The following PAPPA2 variants were observed in gnomAD, a reference collection of about 807,000 sequenced individuals.
PAPPA2 encodes the protein pappalysin 2, also known as pappalysin-2.
In PAPPA2, 86 loss-of-function variants were observed where a neutral mutation model predicts 176.4. The ratio of observed to expected loss-of-function variants is 0.49; its 90% confidence interval spans 0.41 to 0.58. The LOEUF is 0.58. PAPPA2 is among the 20% of genes least tolerant of loss of function. The pLI, the probability that PAPPA2 is intolerant of heterozygous loss-of-function variation, is 0.00. For synonymous variants in PAPPA2, 809 were observed against 852.2 expected (o/e 0.95, Z 0.88); for missense variants, 2,073 against 2,256.9 (o/e 0.92, Z 1.65).
At chr1:176,583,698 CA>C (rs1309889935) in intron 2 of PAPPA2, among the ~76,000 whole-genome samples, 1 of 152,106 alleles carries the variant, frequency 6.6e-6, no homozygotes, top group Non-Finnish European at 1.5e-5. Flanking sequence ...CTTGTCCTAC[CA>C]AAATGTTGGG....
intron 17 of PAPPA2, 121 bp downstream of exon 17, chr1:176,771,301 C>A: frequency 1.1e-6 from 1 of 916,466 alleles, no homozygotes; most frequent in Non-Finnish European, 1.7e-6. Flanking sequence ...AGGCAGGCAA[C>A]CTGCTGTGCT....
chr1:176,733,010 T>C (rs1175918289), intron 12 of PAPPA2, among the ~76,000 whole-genome samples: 1 of 152,138 alleles, frequency 6.6e-6, no homozygotes, highest in African/African-American at 2.4e-5. Flanking sequence ...GCAAACCCTA[T>C]TGTGAACTGC....
At chr1:176,750,191 A>T (rs1420800715) in intron 14 of PAPPA2, among the ~76,000 whole-genome samples, 1 of 152,090 alleles carries the variant, frequency 6.6e-6, no homozygotes, top group East Asian at 1.9e-4. Flanking sequence ...CTAAGCCTGT[A>T]CTCTTGAACA....
chr1:176,840,117 G>C (rs1571405844), intron 21 of PAPPA2, 56 bp from the exon 22 acceptor site: 2 of 1,412,134 alleles, frequency 1.4e-6, no homozygotes, highest in Non-Finnish European at 2.0e-6. Context: ...GAGTGGCAGA[G>C]TCAAACAAGA....
At chr1:176,514,290 C>G (rs888252051) in intron 1 of PAPPA2, among the ~76,000 whole-genome samples, 9 of 152,170 alleles carry the variant, frequency 5.9e-5, no homozygotes, top group African/African-American at 1.9e-4. Flanking sequence ...CTCCTTTAAA[C>G]AACAGCTCCT....
At chr1:176,516,864 T>C (rs1392869290) in intron 1 of PAPPA2, among the ~76,000 whole-genome samples, 1 of 152,222 alleles carries the variant, frequency 6.6e-6, no homozygotes, top group African/African-American at 2.4e-5. Flanking sequence ...AAAGATCCTA[T>C]GTAGGTGAAT....
At chr1:176,784,159 G>C (rs1323510157) in intron 17 of PAPPA2, among the ~76,000 whole-genome samples, 2 of 152,168 alleles carry the variant, frequency 1.3e-5, no homozygotes, top group Admixed American at 6.5e-5. Context: ...TACATGGAGG[G>C]TACTTGGCAT....
chr1:176,693,871 A>G (rs1177434466), intron 6 of PAPPA2, among the ~76,000 whole-genome samples: 1 of 152,156 alleles, frequency 6.6e-6, no homozygotes, highest in Non-Finnish European at 1.5e-5. Context: ...GTGTGTGCAA[A>G]CCAGAGTTTT....
intron 1 of PAPPA2, among the ~76,000 whole-genome samples, chr1:176,533,017 G>T (rs549065687): frequency 6.6e-6 from 1 of 152,328 alleles, no homozygotes; most frequent in East Asian, 1.9e-4. Flanking sequence ...ATTCCTCTCT[G>T]CAGCCCCTCT....
chr1:176,534,928 G>A (rs1334882399), intron 1 of PAPPA2, among the ~76,000 whole-genome samples: 2 of 152,148 alleles, frequency 1.3e-5, no homozygotes, highest in African/African-American at 4.8e-5. Context: ...CAAATCCTTT[G>A]CAAATTGCTG....
chr1:176,538,983 C>A (rs1246725864), intron 1 of PAPPA2, among the ~76,000 whole-genome samples: 1 of 152,192 alleles, frequency 6.6e-6, no homozygotes, highest in Admixed American at 6.5e-5. Flanking sequence ...CATCTCTGAG[C>A]CCTTTTCCTT....
intron 3 of PAPPA2, among the ~76,000 whole-genome samples, chr1:176,612,595 A>G (rs1337984308): frequency 2.0e-5 from 3 of 152,168 alleles, no homozygotes; most frequent in Non-Finnish European, 4.4e-5. Context: ...ACAAGATGAA[A>G]ACAAACAGCT....
intron 4 of PAPPA2, among the ~76,000 whole-genome samples, chr1:176,686,812 A>G (rs1009178850): frequency 1.3e-5 from 2 of 152,188 alleles, no homozygotes; most frequent in Non-Finnish European, 2.9e-5. Context: ...TGATAAGCCA[A>G]TCTACCCCCT....
At chr1:176,738,410 T>C (rs779269268) in intron 12 of PAPPA2, among the ~76,000 whole-genome samples, 1 of 152,058 alleles carries the variant, frequency 6.6e-6, no homozygotes, top group African/African-American at 2.4e-5. Context: ...TCTATAAACA[T>C]ACTGCCAAGG....
At chr1:176,601,110 G>C (rs55782130) in intron 3 of PAPPA2, among the ~76,000 whole-genome samples, 6 of 152,076 alleles carry the variant, frequency 3.9e-5, no homozygotes, top group African/African-American at 1.4e-4. Flanking sequence ...CTCTGCCCTC[G>C]TGAATGGATT....
intron 3 of PAPPA2, among the ~76,000 whole-genome samples, chr1:176,644,653 C>T (rs548146831): frequency 4.0e-5 from 6 of 151,886 alleles, no homozygotes; most frequent in South Asian, 2.1e-4. Flanking sequence ...GTTCAAGTTT[C>T]GGCTTTCCCC....
At chr1:176,836,854 C>G (rs1212098252) in intron 21 of PAPPA2, 1 of 152,032 alleles carries the variant, frequency 6.6e-6, no homozygotes, top group Non-Finnish European at 1.5e-5. Context: ...TATGATGGGC[C>G]TCCCCAAGGG....
intron 17 of PAPPA2, among the ~76,000 whole-genome samples, chr1:176,788,646 G>C (rs756109171): frequency 2.0e-5 from 3 of 152,102 alleles, no homozygotes; most frequent in Non-Finnish European, 4.4e-5. Flanking sequence ...CAGTAGGGAG[G>C]ACCCTAATTC....
chr1:176,755,581 TAG>T (rs1412152556), intron 14 of PAPPA2, among the ~76,000 whole-genome samples: 3 of 152,148 alleles, frequency 2.0e-5, no homozygotes, highest in Admixed American at 1.3e-4. Context: ...GAATAAATAA[TAG>T]AGAGAGAGTC....
Sources: allele counts gnomAD v4.1 joint callset (sites outside exome capture counted in the v4.1 genomes callset), GRCh38; gene constraint gnomAD v4.1.1; transcripts MANE v1.5; gene names NCBI Gene and HGNC (gene_info 2026-07-23, HGNC 2026-07-21).